CADM2: variants seen among roughly 807,000 people sequenced by gnomAD.
CADM2 encodes cell adhesion molecule 2.
In CADM2, 12 loss-of-function variants were observed where a neutral mutation model predicts 49.8. The ratio of observed to expected loss-of-function variants is 0.24; its 90% CI spans 0.15 to 0.39. The LOEUF is 0.39. Among genes scored for constraint, CADM2 ranks in the 10% least tolerant of loss-of-function variants. The probability of loss-of-function intolerance (pLI) is 1.00; values close to 1 mark genes in which losing one functional copy is unlikely to be tolerated. For missense variants in CADM2, 378 were observed against 492.3 expected, an observed-to-expected ratio of 0.77 and a Z score of 2.20; for synonymous variants, 214 against 175.4, an observed-to-expected ratio of 1.22 and a Z score of -1.74.
rs771840392 is a variant in CADM2 at position 86,066,794 on chromosome 3, A to G, written c.*11A>G. 1.9e-6 allele frequency: 3 copies of G among 1,566,842 alleles called. No individual in the cohort carries two copies. Among genetic ancestry groups the G allele is most frequent in the South Asian group, 1.1e-5 (1 of 90,066 alleles). ...GAGTATTTCATTTAAGATGCAGGCC[A>G]AGATTCTGAGTTTTACTACCAGGCT... On this transcript the variant is annotated 3_prime_UTR_variant, in exon 10 of 10. Transcript: ENST00000383699.
chr3:85,775,928 G>T (rs2070338103), intron 2 of CADM2, among the ~76,000 whole-genome samples: 2 of 151,762 alleles, frequency 1.3e-5, no homozygotes, highest in Non-Finnish European at 3.0e-5. Flanking sequence ...TAGAGCAAAA[G>T]AAGAAACATA....
intron 1 of CADM2, among the ~76,000 whole-genome samples, chr3:85,538,485 T>C (rs977283976): frequency 6.6e-6 from 1 of 152,132 alleles, no homozygotes; most frequent in African/African-American, 2.4e-5. Context: ...ACAGCTGCTT[T>C]CATGAATGAA....
chr3:85,659,841 C>T (rs183515363), intron 1 of CADM2, among the ~76,000 whole-genome samples: 37 of 152,178 alleles, frequency 2.4e-4, no homozygotes, highest in Non-Finnish European at 1.5e-4. Flanking sequence ...GTGTAGGCCA[C>T]ACTCTGAGTA....
At chr3:85,620,386 A>C (rs2107486160) in intron 1 of CADM2, among the ~76,000 whole-genome samples, 1 of 152,228 alleles carries the variant, frequency 6.6e-6, no homozygotes. Flanking sequence ...ACACAAATAT[A>C]CACTTACGTA....
intron 1 of CADM2, among the ~76,000 whole-genome samples, chr3:85,530,913 C>CAA (rs796692393): frequency 1.6e-5 from 2 of 122,700 alleles, no homozygotes; most frequent in South Asian, 2.9e-4. Flanking sequence ...CACACACACA[C>CAA]AAAATTCATT....
At chr3:85,898,297 T>A (rs1377159048) in intron 5 of CADM2, among the ~76,000 whole-genome samples, 1 of 152,030 alleles carries the variant, frequency 6.6e-6, no homozygotes, top group Non-Finnish European at 1.5e-5. Context: ...TAAGATATAA[T>A]TGACAAAAAT....
At chr3:85,293,205 C>T (rs538941584) in intron 1 of CADM2, among the ~76,000 whole-genome samples, 7,049 of 152,026 alleles carry the variant, frequency 0.046, 450 homozygotes, top group African/African-American at 0.14. Context: ...GGATAAATTC[C>T]TCAACACATA....
chr3:85,874,932 A>G (rs781293336), intron 3 of CADM2, among the ~76,000 whole-genome samples: 1 of 152,180 alleles, frequency 6.6e-6, no homozygotes, highest in Non-Finnish European at 1.5e-5. Context: ...TACTAAACAT[A>G]GAAATACTAG....
chr3:85,211,882 A>T (rs1276493277), intron 1 of CADM2, among the ~76,000 whole-genome samples: 2 of 152,064 alleles, frequency 1.3e-5, no homozygotes, highest in Non-Finnish European at 1.5e-5. Context: ...GGGGTGCTGA[A>T]GTCTCAGCTC....
chr3:85,468,292 C>A (rs776477805), intron 1 of CADM2, among the ~76,000 whole-genome samples: 2 of 151,904 alleles, frequency 1.3e-5, no homozygotes, highest in Non-Finnish European at 2.9e-5. Context: ...TTGCCTCCCC[C>A]GTAGAGAAGA....
chr3:85,441,268 G>A (rs907513656), intron 1 of CADM2, among the ~76,000 whole-genome samples: 32 of 151,662 alleles, frequency 2.1e-4, no homozygotes, highest in Non-Finnish European at 4.6e-4. Flanking sequence ...AATTCATAAT[G>A]CCACTTAACA....
chr3:85,822,923 T>C (rs2073677144), intron 3 of CADM2, among the ~76,000 whole-genome samples: 2 of 152,304 alleles, frequency 1.3e-5, no homozygotes, highest in Admixed American at 1.3e-4. Flanking sequence ...GTAGAAACTC[T>C]ATTATTCTAA....
At chr3:85,532,623 T>G (rs2061340548) in intron 1 of CADM2, among the ~76,000 whole-genome samples, 1 of 152,170 alleles carries the variant, frequency 6.6e-6, no homozygotes. Flanking sequence ...TCATTGGCTC[T>G]TCTAGCAATA....
chr3:85,474,466 T>C (rs1159249030), intron 1 of CADM2, among the ~76,000 whole-genome samples: 2 of 151,918 alleles, frequency 1.3e-5, no homozygotes, highest in African/African-American at 2.4e-5. Flanking sequence ...GAGATGTTAA[T>C]TTCATCCATA....
intron 8 of CADM2, among the ~76,000 whole-genome samples, chr3:86,048,790 A>C (rs887363685): frequency 1.3e-5 from 2 of 152,158 alleles, no homozygotes; most frequent in Non-Finnish European, 2.9e-5. Context: ...CATACTGAAC[A>C]TGTATTCTGC....
At chr3:85,346,730 A>C (rs1459102084) in intron 1 of CADM2, among the ~76,000 whole-genome samples, 3 of 152,142 alleles carry the variant, frequency 2.0e-5, no homozygotes, top group Non-Finnish European at 4.4e-5. Flanking sequence ...AAAAATACGA[A>C]ATGTAATTTG....
chr3:85,061,680 A>C (rs2036322641), intron 1 of CADM2, among the ~76,000 whole-genome samples: 1 of 152,128 alleles, frequency 6.6e-6, no homozygotes, highest in African/African-American at 2.4e-5. Flanking sequence ...ATGCAATCTA[A>C]GTGTAAGTTC....
intron 1 of CADM2, among the ~76,000 whole-genome samples, chr3:85,665,885 G>A (rs1479484991): frequency 6.6e-6 from 1 of 151,706 alleles, no homozygotes; most frequent in Non-Finnish European, 1.5e-5. Flanking sequence ...AATGAGAAAG[G>A]CTTTTTTTTT....
At chr3:86,000,795 G>A (rs1437101180) in intron 8 of CADM2, among the ~76,000 whole-genome samples, 2 of 152,084 alleles carry the variant, frequency 1.3e-5, no homozygotes, top group African/African-American at 4.8e-5. Context: ...ATTAGAACCT[G>A]CAGAACTTTA....
Sources: allele counts gnomAD v4.1 joint callset (sites outside exome capture counted in the v4.1 genomes callset), GRCh38; gene constraint gnomAD v4.1.1; transcripts MANE v1.5; gene names NCBI Gene and HGNC (gene_info 2026-07-23, HGNC 2026-07-21).